The following PLCB1 variants were observed in gnomAD, a reference collection of about 807,000 sequenced individuals.
PLCB1 encodes the protein 1-phosphatidylinositol 4,5-bisphosphate phosphodiesterase beta-1.
Under a neutral mutation model 161.8 loss-of-function variants are expected in PLCB1, and 46 were observed. The observed-to-expected ratio is 0.28, with a 90% confidence interval of 0.22 to 0.36. The LOEUF is 0.36. Ranked by LOEUF, PLCB1 falls within the 10% of genes least tolerant of loss-of-function variation. The probability of loss-of-function intolerance (pLI) is 1.00; values close to 1 mark genes in which losing one functional copy is unlikely to be tolerated. For synonymous variants in PLCB1, 517 were observed against 503.7 expected (o/e 1.03, Z -0.35); for missense variants, 1,016 against 1,472.5 (o/e 0.69, Z 5.07).
intron 1 of PLCB1, among the ~76,000 whole-genome samples, chr20:8,139,081 G>GTTTTTTTTTT (rs71329695): frequency 3.5e-4 from 32 of 91,626 alleles, no homozygotes; most frequent in Non-Finnish European, 4.5e-4. Context: ...TATTTCAAGG[G>GTTTTTTTTTT]TTTTTTTTTT....
intron 27 of PLCB1, among the ~76,000 whole-genome samples, chr20:8,781,807 A>G (rs537008801): frequency 2.6e-5 from 4 of 152,312 alleles, no homozygotes; most frequent in East Asian, 1.9e-4. Flanking sequence ...AAACTCCCCA[A>G]TATAATACTA....
At chr20:8,521,050 T>C (rs1470326102) in intron 3 of PLCB1, among the ~76,000 whole-genome samples, 1 of 152,200 alleles carries the variant, frequency 6.6e-6, no homozygotes, top group African/African-American at 2.4e-5. Flanking sequence ...TCTAAGCTTC[T>C]TATAGATAAG....
Position 8,658,566 on chromosome 20 carries a change from G to A in PLCB1, c.724G>A (p.Val242Ile), listed in dbSNP as rs200567140. Residue 242 changes from valine (V) to isoleucine (I), a missense_variant, in exon 9 of 32, where the codon GTT (valine) becomes ATT (isoleucine). This residue lies in a region of PLCB1 where 117 missense variants were observed against 142.2 expected (regional missense o/e 0.82). Transcript: ENST00000338037. ...TGCAAAAAGCAAACCATATCTTACC[G>A]TTGATCAGATGATGGATTTTATCAA... ...FGAKSKPYLT[V>I]DQMMDFINLK... is the part of the protein sequence containing the mutation. 1.1e-4 allele frequency: 180 copies of A among 1,610,192 alleles called. 1 individual carries two copies. In the Admixed American group the frequency reaches 2.2e-3, roughly 20 times the overall value.
chr20:8,733,518 T>C, intron 19 of PLCB1, 126 bp downstream of exon 19: 2 of 846,920 alleles, frequency 2.4e-6, no homozygotes, highest in East Asian at 5.2e-5. Context: ...TCCTACATTT[T>C]TTTTCTCTAA....
chr20:8,751,016 A>G, intron 23 of PLCB1: 1 of 381,586 alleles, frequency 2.6e-6, no homozygotes, highest in South Asian at 2.2e-5. Context: ...GCTCACTGCA[A>G]GCTCCGCCTC....
At chr20:8,193,147 A>G (rs2123111900) in intron 2 of PLCB1, among the ~76,000 whole-genome samples, 1 of 152,118 alleles carries the variant, frequency 6.6e-6, no homozygotes, top group South Asian at 2.1e-4. Context: ...TGCTGTGGGA[A>G]AATAGGCACA....
chr20:8,822,599 A>T (rs1985488358), intron 31 of PLCB1, among the ~76,000 whole-genome samples: 1 of 152,228 alleles, frequency 6.6e-6, no homozygotes, highest in African/African-American at 2.4e-5. Flanking sequence ...ACACAAAGCT[A>T]GTCATTGCAC....
chr20:8,467,094 C>G (rs1981856121), intron 3 of PLCB1, among the ~76,000 whole-genome samples: 1 of 152,134 alleles, frequency 6.6e-6, no homozygotes, highest in Admixed American at 6.5e-5. Context: ...CATGTGCCAC[C>G]ATGCCCAACT....
At chr20:8,455,432 CTTTTTTT>C (rs1175763739) in intron 3 of PLCB1, among the ~76,000 whole-genome samples, 2,435 of 74,362 alleles carry the variant, frequency 0.033, 24 homozygotes, top group Middle Eastern at 0.079. Context: ...TATTCTTCCT[CTTTTTTT>C]TTTTTTTTTT....
chr20:8,876,206 C>G (rs1276738394), intron 31 of PLCB1, among the ~76,000 whole-genome samples: 1 of 152,270 alleles, frequency 6.6e-6, no homozygotes, highest in East Asian at 1.9e-4. Flanking sequence ...TCTGACAACA[C>G]TCTTCTTTAT....
At chr20:8,140,066 C>T (rs2051387226) in intron 1 of PLCB1, among the ~76,000 whole-genome samples, 1 of 152,166 alleles carries the variant, frequency 6.6e-6, no homozygotes, top group African/African-American at 2.4e-5. Context: ...GCAGTGGTGA[C>T]AGTGGCCACT....
chr20:8,293,986 G>A (rs769217569), intron 2 of PLCB1, among the ~76,000 whole-genome samples: 3 of 152,156 alleles, frequency 2.0e-5, no homozygotes, highest in African/African-American at 7.2e-5. Context: ...ATCTTGGGAC[G>A]TCTTGTGCAA....
chr20:8,634,769 A>G (rs1223693166), intron 4 of PLCB1, among the ~76,000 whole-genome samples: 1 of 152,056 alleles, frequency 6.6e-6, no homozygotes, highest in Non-Finnish European at 1.5e-5. Context: ...TGTGCCAAGC[A>G]CCTCGCTGGG....
In PLCB1 at chr20:8,681,108, ATATATATAT is replaced by A. The variant is rs202099285; in HGVS notation, c.863-3823_863-3815del. Among the ~76,000 whole-genome samples the A allele has an allele frequency of 1.0e-3, 133 of 132,524 alleles. 3 individuals are homozygous for A. The East Asian group carries it at 0.012, about 12-fold the overall frequency. The allele number at this position is 132,524 out of a possible 152,430, so 86.9% of individuals were successfully genotyped here. A position where few individuals can be genotyped will look rare whatever the true frequency, so the allele number is the denominator to read the frequency against. ...TGTGTATATATATATATATATATATATATATATATATAATATATATAAAATCAGTGTCTC... is the reference window on the plus strand; with the variant it reads ...TGTGTATATATATATATATATATATAATAATATATATAAAATCAGTGTCTC... On this transcript the variant is annotated intron_variant, in intron 9 of 31. Coordinates refer to ENST00000338037, the MANE Select transcript of PLCB1 (RefSeq NM_015192.4).
chr20:8,376,239 G>C (rs1197288885), intron 3 of PLCB1, among the ~76,000 whole-genome samples: 2 of 152,136 alleles, frequency 1.3e-5, no homozygotes, highest in African/African-American at 2.4e-5. Context: ...CTGACAACTA[G>C]TTTATTCTAT....
chr20:8,836,722 T>C (rs1986300422), intron 31 of PLCB1, among the ~76,000 whole-genome samples: 1 of 152,178 alleles, frequency 6.6e-6, no homozygotes, highest in Admixed American at 6.5e-5. Flanking sequence ...TGACTGTGTA[T>C]ATGATGCTTT....
intron 10 of PLCB1, among the ~76,000 whole-genome samples, chr20:8,687,019 A>AATT (rs35280507): frequency 0.88 from 131,070 of 149,052 alleles, 57,681 homozygotes; most frequent in East Asian, 0.99. Context: ...TACCAATTTA[A>AATT]ATTATTATTA....
intron 2 of PLCB1, among the ~76,000 whole-genome samples, chr20:8,320,435 C>T (rs1278157318): frequency 2.6e-5 from 4 of 152,174 alleles, no homozygotes; most frequent in East Asian, 1.9e-4. Flanking sequence ...GGTTCCTAGA[C>T]ATTAATTGTG....
intron 3 of PLCB1, among the ~76,000 whole-genome samples, chr20:8,535,202 C>G (rs1238851087): frequency 1.9e-5 from 1 of 52,794 alleles, no homozygotes; most frequent in African/African-American, 6.9e-5. Flanking sequence ...AGTTTATGGG[C>G]AAAAAAAAAA....
Sources: gnomAD v4.1 joint callset for allele counts (sites outside exome capture counted in the v4.1 genomes callset) on GRCh38, gnomAD v4.1.1 for gene constraint, gnomAD v4.1.1 regional missense constraint, MANE v1.5 for transcripts, NCBI Gene and HGNC (gene_info 2026-07-23, HGNC 2026-07-21) for gene names.